Variants in UBR1 observed in about 807,000 individuals in gnomAD.
UBR1 encodes ubiquitin protein ligase E3 component n-recognin 1, also known as E3 ubiquitin-protein ligase UBR1.
A neutral mutation model predicts 242.1 loss-of-function variants in UBR1; 102 were observed. The observed-to-expected ratio is 0.42, with a 90% CI of 0.36 to 0.50. The LOEUF (loss-of-function observed/expected upper bound fraction) is 0.50, where lower values mean the gene tolerates loss of function less well. UBR1 is among the 20% of genes least tolerant of loss of function. UBR1 has a pLI of 0.01. For missense variants in UBR1, 1,772 were observed against 2,101.8 expected (o/e 0.84, Z 3.07); for synonymous variants, 675 against 684.8 (o/e 0.99, Z 0.22).
At chr15:43,003,277 C>T (rs118074434) in intron 31 of UBR1, 144 of 163,076 alleles carry the variant, frequency 8.8e-4, no homozygotes, top group Middle Eastern at 6.5e-3. Context: ...TTTTTTGAGA[C>T]GATGTTTCGC....
rs1221898755 is a variant in UBR1 at position 43,030,003 on chromosome 15, GA to G, written c.2319del (p.His774ThrfsTer27). ...GGCATGGGTTCAATGCAAAGCAAGTGAATGATTTCTCTCATTGTGACCTCTT... is the reference window on the plus strand; with the variant it reads ...GGCATGGGTTCAATGCAAAGCAAGTGATGATTTCTCTCATTGTGACCTCTT... ...TKEEVTMREI[I>X]HLLCIEPMPH... is the part of the protein sequence containing the mutation. On this transcript the variant is annotated frameshift_variant, in exon 21 of 47. Transcript: ENST00000290650. LOFTEE classifies it high-confidence loss of function. 1 of 1,613,988 alleles carries G rather than the reference GA, an allele frequency of 6.2e-7. No individual in the cohort carries two copies. Among genetic ancestry groups the G allele is most frequent in the Non-Finnish European group, 8.5e-7 (1 of 1,179,966 alleles).
intron 23 of UBR1, 179 bp from the exon 24 acceptor site, chr15:43,025,608 T>A: frequency 1.7e-6 from 1 of 590,122 alleles, no homozygotes; most frequent in Non-Finnish European, 3.0e-6. Flanking sequence ...TAATGCAAAA[T>A]AGATGAGGAA....
At chr15:42,956,476 C>CGTG (rs2031923602) in intron 44 of UBR1, among the ~76,000 whole-genome samples, 1 of 152,116 alleles carries the variant, frequency 6.6e-6, no homozygotes, top group East Asian at 1.9e-4. Context: ...CGCACCACCA[C>CGTG]ACCTGGCTAA....
intron 12 of UBR1, among the ~76,000 whole-genome samples, chr15:43,050,214 A>T (rs1826821539): frequency 6.6e-6 from 1 of 152,074 alleles, no homozygotes; most frequent in Non-Finnish European, 1.5e-5. Flanking sequence ...CTTCCAAAGC[A>T]CATGAGCCAA....
chr15:42,968,809 T>C (rs1237985528), intron 40 of UBR1, among the ~76,000 whole-genome samples: 1 of 152,108 alleles, frequency 6.6e-6, no homozygotes, highest in African/African-American at 2.4e-5. Flanking sequence ...AGAATGATGG[T>C]TTCCAGCTTC....
chr15:43,080,801 A>G (rs2033966214), intron 3 of UBR1, among the ~76,000 whole-genome samples: 1 of 152,106 alleles, frequency 6.6e-6, no homozygotes, highest in Non-Finnish European at 1.5e-5. Flanking sequence ...AAATACAAAC[A>G]TTAGCTGGGC....
intron 6 of UBR1, 91 bp downstream of exon 6, chr15:43,067,807 C>G (rs1416787434): frequency 2.6e-6 from 4 of 1,530,624 alleles, no homozygotes; most frequent in Non-Finnish European, 3.6e-6. Flanking sequence ...ATGGTCAGAC[C>G]TAGCACAATA....
intron 1 of UBR1, among the ~76,000 whole-genome samples, chr15:43,089,922 T>C (rs2034088024): frequency 6.6e-6 from 1 of 152,194 alleles, no homozygotes; most frequent in Non-Finnish European, 1.5e-5. Flanking sequence ...GATAACTAAA[T>C]GTAACTGGGA....
At chr15:42,961,684 C>T (rs1407117301) in intron 42 of UBR1, among the ~76,000 whole-genome samples, 2 of 151,792 alleles carry the variant, frequency 1.3e-5, no homozygotes, top group Non-Finnish European at 2.9e-5. Context: ...TTGCCCACCT[C>T]GGCCTCCCAA....
chr15:43,060,122 TAG>T lies in UBR1; in HGVS notation c.799-10_799-9del. 1 of 1,613,944 alleles carries T rather than the reference TAG, an allele frequency of 6.2e-7. No individual in the cohort carries two copies. Among genetic ancestry groups the T allele is most frequent in the Non-Finnish European group, 8.5e-7 (1 of 1,179,834 alleles). On this transcript the variant is annotated splice_polypyrimidine_tract_variant and intron_variant, in intron 6 of 46. Coordinates refer to ENST00000290650, the MANE Select transcript of UBR1 (RefSeq NM_174916.3). ...TTTAACAGCCCGACGACCCTAATTA[TAG>T]ACAAAAGTGAGAATTAGGTAGTGAA...
In UBR1 at chr15:42,990,107, A is replaced by T. The variant is rs2032532159; in HGVS notation, c.3771T>A (p.Ile1257=). 1 of 1,596,106 alleles carries T rather than the reference A, an allele frequency of 6.3e-7. No homozygotes were observed. Among genetic ancestry groups the T allele is most frequent in the African/African-American group, 1.3e-5 (1 of 74,446 alleles). Residue 1257 remains isoleucine, a synonymous_variant, in exon 34 of 47, where the codon ATT becomes ATA. Coordinates refer to ENST00000290650, the MANE Select transcript of UBR1 (RefSeq NM_174916.3). Reference sequence around the variant, plus strand: ...CCATTCCTTGATTAAAGAAAATAGGAATTGGGTTTTCTCCTTATAAATTAA... The same window carrying T: ...CCATTCCTTGATTAAAGAAAATAGGTATTGGGTTTTCTCCTTATAAATTAA... ...NIRHAKGENP[I]PIFFNQGMGD...
At chr15:43,000,091 T>A (rs1265378777) in intron 32 of UBR1, among the ~76,000 whole-genome samples, 1 of 152,198 alleles carries the variant, frequency 6.6e-6, no homozygotes, top group Admixed American at 6.5e-5. Context: ...TTAATCAAAA[T>A]CTTAGTTTTG....
chr15:43,000,731 A>T, intron 32 of UBR1, among the ~76,000 whole-genome samples: 1 of 152,264 alleles, frequency 6.6e-6, no homozygotes, highest in East Asian at 1.9e-4. Context: ...TAATTACTCA[A>T]ATCAAAGATA....
Position 43,002,438 on chromosome 15 carries a change from C to T in UBR1, c.3659+117G>A, listed in dbSNP as rs1382467639. Reference sequence around the variant, plus strand: ...GTTTTACCATGTTACCCAGGCTGGTCTCGAACCCCTGAGCTCTGGCAATCC... The same window carrying T: ...GTTTTACCATGTTACCCAGGCTGGTTTCGAACCCCTGAGCTCTGGCAATCC... On this transcript the variant is annotated intron_variant, in intron 32 of 46. Transcript: ENST00000290650. 1.4e-5 allele frequency: 17 copies of T among 1,208,624 alleles called. No homozygotes were observed. The East Asian group carries it at 4.3e-4, about 31-fold the overall frequency. 74.9% of individuals were successfully genotyped at this position (1,208,624 alleles called of 1,614,324 possible).
intron 39 of UBR1, among the ~76,000 whole-genome samples, chr15:42,976,128 T>C (rs1334438595): frequency 6.6e-6 from 1 of 152,184 alleles, no homozygotes; most frequent in East Asian, 1.9e-4. Flanking sequence ...TCAAAAGACA[T>C]TTAATGAGTG....
chr15:43,085,851 G>A lies in UBR1; in HGVS notation c.338+133C>T, dbSNP rs1193303944. The A allele has an allele frequency of 3.1e-6, 3 of 960,978 alleles. No homozygotes were observed. The South Asian group carries it at 5.4e-5, about 17-fold the overall frequency. The allele number at this position is 960,978 out of a possible 1,614,324, so 59.5% of individuals were successfully genotyped here. A position where few individuals can be genotyped will look rare whatever the true frequency, so the allele number is the denominator to read the frequency against. On this transcript the variant is annotated intron_variant, in intron 2 of 46. Transcript: ENST00000290650. ...GAATTGCTTGAACCTGGGAGGCAGA[G>A]GTTGCAGTGACGTGACCGGAGATCG...
At chr15:43,001,382 C>T (rs186153100) in intron 32 of UBR1, among the ~76,000 whole-genome samples, 25 of 152,280 alleles carry the variant, frequency 1.6e-4, no homozygotes, top group African/African-American at 5.5e-4. Context: ...CTCCTGACCT[C>T]GTGATCCGCC....
At chr15:43,077,670 AAAAAAAT>A (rs1224904127) in intron 3 of UBR1, among the ~76,000 whole-genome samples, 1 of 151,474 alleles carries the variant, frequency 6.6e-6, no homozygotes, top group African/African-American at 2.4e-5. Context: ...TCTGAGAAAA[AAAAAAAT>A]AAAAATAAAA....
chr15:42,991,096 GA>G (rs1453062748), intron 33 of UBR1, among the ~76,000 whole-genome samples: 1 of 151,782 alleles, frequency 6.6e-6, no homozygotes, highest in Non-Finnish European at 1.5e-5. Context: ...CCAACATGGT[GA>G]AACCTCATCT....
Sources: allele counts gnomAD v4.1 joint callset (sites outside exome capture counted in the v4.1 genomes callset), GRCh38; gene constraint gnomAD v4.1.1; transcripts MANE v1.5; gene names NCBI Gene and HGNC (gene_info 2026-07-23, HGNC 2026-07-21).